GPC5: variants seen among roughly 807,000 people sequenced by gnomAD.
The protein encoded by GPC5 is glypican 5, also known as glypican-5.
A neutral mutation model predicts 53.9 loss-of-function variants in GPC5; 47 were observed. The ratio of observed to expected loss-of-function variants is 0.87; its 90% CI spans 0.69 to 1.11. GPC5 has a LOEUF of 1.11. Among genes scored for constraint, GPC5 ranks in the 50% most tolerant of loss-of-function variants. GPC5 has a pLI of 0.00. For synonymous variants in GPC5, 286 were observed against 263.3 expected (o/e 1.09, Z -0.84); for missense variants, 748 against 713.1 (o/e 1.05, Z -0.56).
intron 7 of GPC5, among the ~76,000 whole-genome samples, chr13:92,551,076 A>G (rs1216177137): frequency 5.9e-5 from 9 of 152,010 alleles, no homozygotes; most frequent in Non-Finnish European, 1.3e-4. Flanking sequence ...TTTTGTGATA[A>G]TTGTGAGTAT....
chr13:91,703,058 ATTAT>A (rs1441245003), intron 3 of GPC5, among the ~76,000 whole-genome samples: 2 of 152,056 alleles, frequency 1.3e-5, no homozygotes, highest in Non-Finnish European at 2.9e-5. Flanking sequence ...AAATTTGTTT[ATTAT>A]TTATTACCTT....
intron 7 of GPC5, among the ~76,000 whole-genome samples, chr13:92,218,458 G>T (rs1330591220): frequency 6.6e-6 from 1 of 152,064 alleles, no homozygotes; most frequent in Non-Finnish European, 1.5e-5. Context: ...AATTAAGAAA[G>T]AAAAAAGTTT....
chr13:92,049,203 TC>T (rs2041007532), intron 6 of GPC5, among the ~76,000 whole-genome samples: 1 of 152,308 alleles, frequency 6.6e-6, no homozygotes, highest in South Asian at 2.1e-4. Flanking sequence ...GATAATCTGA[TC>T]AAAACTATAT....
At chr13:91,801,514 C>T (rs1427274721) in intron 5 of GPC5, among the ~76,000 whole-genome samples, 1 of 152,094 alleles carries the variant, frequency 6.6e-6, no homozygotes, top group Non-Finnish European at 1.5e-5. Flanking sequence ...CAAAGAAATA[C>T]ATCTTTGAAG....
chr13:91,488,043 A>G (rs1035580471), intron 2 of GPC5, among the ~76,000 whole-genome samples: 2 of 151,986 alleles, frequency 1.3e-5, no homozygotes, highest in African/African-American at 2.4e-5. Context: ...TAATTCCACT[A>G]TAAGTTTTGA....
intron 1 of GPC5, among the ~76,000 whole-genome samples, chr13:91,445,349 C>T (rs144008247): frequency 2.4e-3 from 361 of 152,238 alleles, no homozygotes; most frequent in Non-Finnish European, 3.4e-3. Flanking sequence ...ACTGGTGGGA[C>T]GCATAGACAG....
chr13:92,693,955 G>A (rs1037608195), intron 7 of GPC5, among the ~76,000 whole-genome samples: 5 of 152,188 alleles, frequency 3.3e-5, no homozygotes, highest in African/African-American at 1.2e-4. Flanking sequence ...CCAGGGCCCT[G>A]CTACTCTGTG....
At chr13:92,632,770 C>T (rs1397816199) in intron 7 of GPC5, among the ~76,000 whole-genome samples, 1 of 152,058 alleles carries the variant, frequency 6.6e-6, no homozygotes, top group African/African-American at 2.4e-5. Flanking sequence ...ACTCTCAGTT[C>T]CACGTGGCTA....
intron 7 of GPC5, among the ~76,000 whole-genome samples, chr13:92,501,372 A>T (rs962377947): frequency 3.3e-5 from 5 of 152,154 alleles, no homozygotes; most frequent in African/African-American, 1.2e-4. Context: ...ATACTTGAAA[A>T]CAGATCAATA....
chr13:92,207,742 A>G (rs2042347722), intron 7 of GPC5, among the ~76,000 whole-genome samples: 1 of 152,168 alleles, frequency 6.6e-6, no homozygotes, highest in African/African-American at 2.4e-5. Context: ...TTATCTGTCT[A>G]CTCATTCTTA....
chr13:92,761,690 G>A (rs187266040), intron 7 of GPC5, among the ~76,000 whole-genome samples: 1 of 152,026 alleles, frequency 6.6e-6, no homozygotes, highest in Admixed American at 6.6e-5. Context: ...GTATTTTGAT[G>A]GTAGAATGTA....
At chr13:92,136,781 T>A (rs1404377492) in intron 6 of GPC5, among the ~76,000 whole-genome samples, 1 of 152,230 alleles carries the variant, frequency 6.6e-6, no homozygotes, top group Non-Finnish European at 1.5e-5. Context: ...ATTGCAAGTG[T>A]TTGAAAGGCT....
At chr13:91,777,520 C>T in intron 5 of GPC5, among the ~76,000 whole-genome samples, 1 of 152,156 alleles carries the variant, frequency 6.6e-6, no homozygotes, top group East Asian at 1.9e-4. Context: ...TGCCCAATTA[C>T]AGAACTAATT....
In GPC5 at chr13:91,693,733, A is replaced by G; in HGVS notation, c.872A>G (p.His291Arg). The change falls in exon 3 of 8, where the codon CAC becomes CGC. Residue 291 changes from histidine (H) to arginine (R), a missense_variant. Coordinates refer to ENST00000377067, the MANE Select transcript of GPC5 (RefSeq NM_004466.6). ...CLAHMAELNP[H>R]WHAYIRSLEE... ...GCGCACATGGCGGAGCTTAATCCAC[A>G]CTGGCATGCATATATCCGGTCGTTG... The G allele has an allele frequency of 6.2e-7, 1 of 1,614,106 alleles. No homozygotes were observed. The highest frequency in any genetic ancestry group is 8.5e-7 in the Non-Finnish European group (1 of 1,180,024).
chr13:92,727,220 AACAG>A (rs1489679909), intron 7 of GPC5, among the ~76,000 whole-genome samples: 2 of 151,466 alleles, frequency 1.3e-5, no homozygotes, highest in African/African-American at 4.8e-5. Flanking sequence ...TGTGTGCGTA[AACAG>A]ACACTTTTTC....
chr13:92,110,313 A>C (rs2041546976), intron 6 of GPC5, among the ~76,000 whole-genome samples: 2 of 152,142 alleles, frequency 1.3e-5, no homozygotes, highest in African/African-American at 4.8e-5. Flanking sequence ...CTATGCTGAG[A>C]CTTCTGGAAT....
chr13:91,527,709 C>A (rs554439710), intron 2 of GPC5, among the ~76,000 whole-genome samples: 45 of 152,386 alleles, frequency 3.0e-4, no homozygotes, highest in South Asian at 1.7e-3. Context: ...GCCCCTGCAG[C>A]AGACTTCTGT....
chr13:91,547,370 C>T (rs554416274), intron 2 of GPC5, among the ~76,000 whole-genome samples: 1 of 152,080 alleles, frequency 6.6e-6, no homozygotes, highest in Admixed American at 6.6e-5. Context: ...AGGAATACTA[C>T]GAGCAATTCT....
chr13:92,001,405 G>C (rs1315558523), intron 6 of GPC5, among the ~76,000 whole-genome samples: 1 of 152,164 alleles, frequency 6.6e-6, no homozygotes, highest in East Asian at 1.9e-4. Flanking sequence ...TTCAAAATGA[G>C]ATTACAGAGA....
Sources: gnomAD v4.1 joint callset for allele counts (sites outside exome capture counted in the v4.1 genomes callset) on GRCh38, gnomAD v4.1.1 for gene constraint, MANE v1.5 for transcripts, NCBI Gene and HGNC (gene_info 2026-07-23, HGNC 2026-07-21) for gene names.